Variants in PXDN observed in about 807,000 individuals in gnomAD.
PXDN encodes the protein peroxidasin.
In PXDN, 77 loss-of-function variants were observed where a neutral mutation model predicts 140.3. That is an observed-to-expected ratio of 0.55 (90% CI 0.46 to 0.66). The LOEUF (loss-of-function observed/expected upper bound fraction) is 0.66. Among genes scored for constraint, PXDN ranks in the 30% least tolerant of loss-of-function variants. The pLI is 0.00. For missense variants in PXDN, 1,838 were observed against 2,039.5 expected (o/e 0.90, Z 1.90); for synonymous variants, 911 against 857.4 (o/e 1.06, Z -1.09).
chr2:1,693,940 G>A lies in PXDN; in HGVS notation c.201-806C>T, dbSNP rs139680504. 6.3e-3 allele frequency among the ~76,000 whole-genome samples: 959 copies of A among 152,370 alleles called. 9 individuals carry two copies. Among genetic ancestry groups the A allele is most frequent in the African/African-American group, 0.021 (877 of 41,592 alleles). On this transcript the variant is annotated intron_variant, in intron 1 of 22. Transcript: ENST00000252804. ...GGGGGCAGCACAGGCAGCCAGGTCAGAGGCCTGAAGGCAGCGATGGGAAGT... is the reference window on the plus strand; with the variant it reads ...GGGGGCAGCACAGGCAGCCAGGTCAAAGGCCTGAAGGCAGCGATGGGAAGT...
chr2:1,635,574 G>A lies in PXDN; in HGVS notation c.4207-53C>T, dbSNP rs80197659. On this transcript the variant is annotated intron_variant, in intron 21 of 22. Transcript: ENST00000252804. ...ATTGGGCACTTCAGAGTAACAGCTT[G>A]GCTCTTGTATTAAAAGATGTTATTT... is the stretch of plus-strand genomic sequence containing the variant. 1.8e-3 allele frequency: 2,344 copies of A among 1,280,208 alleles called. 33 individuals are homozygous for A. In the African/African-American group the frequency reaches 0.031, roughly 17 times the overall value. 79.3% of individuals were successfully genotyped at this position (1,280,208 alleles called of 1,614,324 possible).
In PXDN at chr2:1,683,745, A is replaced by T. The variant is rs1683977315; in HGVS notation, c.489-18T>A. On this transcript the variant is annotated intron_variant, in intron 5 of 22. Transcript: ENST00000252804. ...GCAAAAATCTGTTGAAAGAGATTTT[A>T]TAACAAACCAATTTTGAAAAATATT... The T allele has an allele frequency of 6.4e-7, 1 of 1,565,352 alleles. No homozygotes were observed. The highest frequency in any genetic ancestry group is 1.9e-5 in the Admixed American group (1 of 53,798).
intron 1 of PXDN, among the ~76,000 whole-genome samples, chr2:1,704,726 T>C (rs1271899204): frequency 6.6e-6 from 1 of 151,806 alleles, no homozygotes; most frequent in Non-Finnish European, 1.5e-5. Flanking sequence ...GACAAATGGC[T>C]GCACTGTCTT....
At chr2:1,676,298 G>A (rs539987792) in intron 8 of PXDN, 1 of 152,878 alleles carries the variant, frequency 6.5e-6, no homozygotes, top group East Asian at 1.9e-4. Context: ...TCGCTGCCAG[G>A]ACGCATGTAA....
chr2:1,686,041 G>A (rs1248984683), intron 4 of PXDN, among the ~76,000 whole-genome samples: 9 of 152,318 alleles, frequency 5.9e-5, no homozygotes, highest in Admixed American at 5.2e-4. Context: ...CGGTCTCCCA[G>A]TGTCACCAGG....
chr2:1,685,882 G>A lies in PXDN; in HGVS notation c.417-1731C>T, dbSNP rs1346977782. 6.6e-6 allele frequency among the ~76,000 whole-genome samples: 1 copy of A among 152,114 alleles called. No individual in the cohort carries two copies. The highest frequency in any genetic ancestry group is 2.4e-5 in the African/African-American group (1 of 41,420). On this transcript the variant is annotated intron_variant, in intron 4 of 22. Transcript: ENST00000252804. The surrounding 1 kb of genome is among the most constrained non-coding windows in gnomAD (Gnocchi z 5.1). ...GGAAATGGCTCCCCAAGTATACTGA[G>A]GTCATCATTGAATTCAAACGCATGT...
chr2:1,685,517 G>C lies in PXDN; in HGVS notation c.417-1366C>G, dbSNP rs1488668548. On this transcript the variant is annotated intron_variant, in intron 4 of 22. Coordinates refer to ENST00000252804, the MANE Select transcript of PXDN (RefSeq NM_012293.3). This position sits in a 1 kb window ranked among gnomAD's most constrained non-coding sequence, Gnocchi z 5.1. ...GATGTAAGACCCAGGCACCACCACG[G>C]CACAGTGGCTGTGAGCTGCTCAGCG... Among the ~76,000 whole-genome samples the C allele has an allele frequency of 1.3e-5, 2 of 152,150 alleles. No individual in the cohort carries two copies. The highest frequency in any genetic ancestry group is 2.9e-5 in the Non-Finnish European group (2 of 68,034).
chr2:1,738,867 A>C (rs7580445), intron 1 of PXDN, among the ~76,000 whole-genome samples: 104,041 of 151,962 alleles, frequency 0.68, 36,024 homozygotes, highest in East Asian at 0.93. Flanking sequence ...ACTCTTACCC[A>C]GCTTTGAGAT....
At chr2:1,672,304 A>G (rs1683596720) in intron 9 of PXDN, 1 of 152,272 alleles carries the variant, frequency 6.6e-6, no homozygotes, top group African/African-American at 2.4e-5. Flanking sequence ...AGAGCTGGCT[A>G]AATATTCCTG....
At chr2:1,690,344 T>A (rs1684157742) in intron 3 of PXDN, among the ~76,000 whole-genome samples, 1 of 151,166 alleles carries the variant, frequency 6.6e-6, no homozygotes, top group Non-Finnish European at 1.5e-5. Context: ...GAGGGAAGAG[T>A]TTGGAGTGTG....
chr2:1,652,328 C>T (rs1033453541), intron 16 of PXDN, among the ~76,000 whole-genome samples: 11 of 152,136 alleles, frequency 7.2e-5, no homozygotes, highest in African/African-American at 2.7e-4. Flanking sequence ...TCTTCATTCT[C>T]TGGAGAAGAG....
chr2:1,720,612 G>GCTCTCTCTGCATCTTTCT (rs1558526074), intron 1 of PXDN, among the ~76,000 whole-genome samples: 3 of 101,434 alleles, frequency 3.0e-5, no homozygotes, highest in Non-Finnish European at 6.0e-5. Flanking sequence ...CTCAGATACA[G>GCTCTCTCTGCATCTTTCT]CTCTCTCTGC....
chr2:1,727,864 A>G (rs1202283644), intron 1 of PXDN, among the ~76,000 whole-genome samples: 1 of 152,216 alleles, frequency 6.6e-6, no homozygotes, highest in African/African-American at 2.4e-5. Context: ...TCTCCCCTAA[A>G]GAAGATTGGT....
At chr2:1,656,101 A>C (rs866417370) in intron 14 of PXDN, among the ~76,000 whole-genome samples, 6 of 151,658 alleles carry the variant, frequency 4.0e-5, no homozygotes, top group African/African-American at 1.5e-4. Flanking sequence ...CACACAACAC[A>C]CACAAACACA....
chr2:1,722,354 G>C (rs1389647034), intron 1 of PXDN, among the ~76,000 whole-genome samples: 1 of 152,156 alleles, frequency 6.6e-6, no homozygotes, highest in African/African-American at 2.4e-5. Flanking sequence ...CAGAGTCCTG[G>C]TGGCTTGGCA....
At position 1,642,034 on chromosome 2, in the gene PXDN, T is replaced by A. The variant is rs563939951; in HGVS notation, c.3952+1334A>T. On this transcript the variant is annotated intron_variant, in intron 19 of 22. Coordinates refer to ENST00000252804, the MANE Select transcript of PXDN (RefSeq NM_012293.3). ...AAAACAATAAAACAAAAAACAGATA[T>A]AAGTTTCCAACAGATGTAATAACAA... is the stretch of plus-strand genomic sequence containing the variant. Among the ~76,000 whole-genome samples the A allele has an allele frequency of 3.3e-5, 5 of 152,234 alleles. No individual in the cohort carries two copies. In the East Asian group the frequency reaches 5.8e-4, roughly 18 times the overall value.
intron 1 of PXDN, among the ~76,000 whole-genome samples, chr2:1,721,814 A>AAAATAAAT (rs3083574): frequency 1.2e-4 from 18 of 151,138 alleles, no homozygotes; most frequent in Admixed American, 4.0e-4. Context: ...ACTCCGTCTC[A>AAAATAAAT]AAATAAATAA....
At chr2:1,733,465 C>T (rs1422228554) in intron 1 of PXDN, among the ~76,000 whole-genome samples, 1 of 151,984 alleles carries the variant, frequency 6.6e-6, no homozygotes, top group Non-Finnish European at 1.5e-5. Flanking sequence ...GTCGGCTGGG[C>T]GCAGTGCGGC....
At chr2:1,697,338 C>T (rs369018235) in intron 1 of PXDN, among the ~76,000 whole-genome samples, 23 of 152,304 alleles carry the variant, frequency 1.5e-4, no homozygotes, top group African/African-American at 4.3e-4. Flanking sequence ...TGCATTTCCA[C>T]GTCTGATCCT....
Sources: allele counts gnomAD v4.1 joint callset (sites outside exome capture counted in the v4.1 genomes callset), GRCh38; gene constraint gnomAD v4.1.1; non-coding constraint Gnocchi (gnomAD v3.1); transcripts MANE v1.5; gene names NCBI Gene and HGNC (gene_info 2026-07-23, HGNC 2026-07-21).